CERS6: variants seen among roughly 807,000 people sequenced by gnomAD.
CERS6 encodes the protein LAG1 homolog, ceramide synthase 6.
In CERS6, 26 loss-of-function variants were observed where a neutral mutation model predicts 56.8. The observed-to-expected ratio is 0.46, with a 90% CI of 0.34 to 0.63. The LOEUF (loss-of-function observed/expected upper bound fraction) is 0.63. CERS6 is among the 30% of genes least tolerant of loss of function. The pLI, the probability that CERS6 is intolerant of heterozygous loss-of-function variation, is 0.01. For missense variants in CERS6, 415 were observed against 467.5 expected (o/e 0.89, Z 1.04); for synonymous variants, 164 against 173.3 (o/e 0.95, Z 0.42).
intron 1 of CERS6, among the ~76,000 whole-genome samples, chr2:168,481,080 T>C (rs1235371571): frequency 1.3e-5 from 2 of 152,182 alleles, no homozygotes; most frequent in Non-Finnish European, 2.9e-5. Flanking sequence ...GAGAGGCATC[T>C]GCAGAGGATC....
intron 3 of CERS6, among the ~76,000 whole-genome samples, chr2:168,609,357 G>A (rs1276498297): frequency 6.6e-6 from 1 of 152,166 alleles, no homozygotes; most frequent in Non-Finnish European, 1.5e-5. Flanking sequence ...CAGTGGGATG[G>A]ATTACATTTC....
chr2:168,605,334 C>T (rs368152506), intron 3 of CERS6, among the ~76,000 whole-genome samples: 1 of 152,284 alleles, frequency 6.6e-6, no homozygotes. Flanking sequence ...AAGATGTAGC[C>T]TGGCTGCTTC....
At chr2:168,723,861 G>A (rs1683261450) in intron 8 of CERS6, among the ~76,000 whole-genome samples, 1 of 152,114 alleles carries the variant, frequency 6.6e-6, no homozygotes, top group African/African-American at 2.4e-5. Context: ...TTCTTCTTCC[G>A]TAATTACATA....
intron 8 of CERS6, among the ~76,000 whole-genome samples, chr2:168,731,975 A>C (rs147589498): frequency 0.018 from 2,761 of 152,332 alleles, 258 homozygotes; most frequent in Admixed American, 0.15. Flanking sequence ...TTATACATTA[A>C]GTCTACAATA....
At chr2:168,723,258 A>G (rs567160262) in intron 8 of CERS6, among the ~76,000 whole-genome samples, 1 of 152,300 alleles carries the variant, frequency 6.6e-6, no homozygotes, top group South Asian at 2.1e-4. Flanking sequence ...ACCTCTAAAG[A>G]CAGTCCCTTC....
At chr2:168,681,123 G>C (rs538191348) in intron 4 of CERS6, among the ~76,000 whole-genome samples, 2 of 152,214 alleles carry the variant, frequency 1.3e-5, no homozygotes, top group African/African-American at 4.8e-5. Context: ...ATAGATTAAG[G>C]CCTAGGCAAA....
chr2:168,459,128 C>G (rs76488561), intron 1 of CERS6, among the ~76,000 whole-genome samples: 10 of 152,126 alleles, frequency 6.6e-5, no homozygotes, highest in Non-Finnish European at 1.3e-4. Context: ...AGGAATAATT[C>G]TCTCAAGATT....
At chr2:168,565,461 C>T (rs552032791) in intron 3 of CERS6, among the ~76,000 whole-genome samples, 3 of 152,210 alleles carry the variant, frequency 2.0e-5, no homozygotes, top group African/African-American at 4.8e-5. Context: ...AATTAGAAAA[C>T]GAGAACACAA....
At chr2:168,657,793 G>T (rs977777956) in intron 4 of CERS6, among the ~76,000 whole-genome samples, 1 of 152,186 alleles carries the variant, frequency 6.6e-6, no homozygotes, top group Non-Finnish European at 1.5e-5. Context: ...AGCGCCGCAC[G>T]CAGCCCCGGT....
At chr2:168,570,454 C>T (rs1350719685) in intron 3 of CERS6, among the ~76,000 whole-genome samples, 1 of 152,068 alleles carries the variant, frequency 6.6e-6, no homozygotes, top group African/African-American at 2.4e-5. Context: ...TTTAAATTTA[C>T]CCAGGTGATT....
At chr2:168,724,151 G>C (rs1254016912) in intron 8 of CERS6, among the ~76,000 whole-genome samples, 1 of 152,028 alleles carries the variant, frequency 6.6e-6, no homozygotes, top group Non-Finnish European at 1.5e-5. Context: ...TCTTCCTTCT[G>C]GTGGGTTCGT....
chr2:168,760,322 C>T (rs1341443899), intron 8 of CERS6, among the ~76,000 whole-genome samples: 2 of 152,120 alleles, frequency 1.3e-5, no homozygotes, highest in African/African-American at 2.4e-5. Context: ...GCATCCAGCA[C>T]GGGAGAAAGA....
At chr2:168,489,312 T>C (rs967837272) in intron 1 of CERS6, among the ~76,000 whole-genome samples, 20 of 152,158 alleles carry the variant, frequency 1.3e-4, no homozygotes, top group African/African-American at 4.8e-4. Context: ...ACTTTAGCCA[T>C]TGTGAATACT....
At chr2:168,718,777 T>G (rs1275623545) in intron 8 of CERS6, among the ~76,000 whole-genome samples, 1 of 152,232 alleles carries the variant, frequency 6.6e-6, no homozygotes, top group African/African-American at 2.4e-5. Context: ...CTTCTAACTG[T>G]TAGATCGTCA....
At chr2:168,748,835 G>GGT (rs1553515994) in intron 8 of CERS6, among the ~76,000 whole-genome samples, 2 of 138,644 alleles carry the variant, frequency 1.4e-5, no homozygotes, top group African/African-American at 5.1e-5. Flanking sequence ...TGGGGGTGGG[G>GGT]GGGGGGCAGG....
At chr2:168,673,439 G>T (rs1685973482) in intron 4 of CERS6, among the ~76,000 whole-genome samples, 5 of 152,220 alleles carry the variant, frequency 3.3e-5, no homozygotes, top group Admixed American at 3.3e-4. Context: ...GTCTCCCTAT[G>T]ATGTCAAGTT....
intron 8 of CERS6, among the ~76,000 whole-genome samples, chr2:168,728,914 A>C (rs1053282090): frequency 6.7e-6 from 1 of 150,354 alleles, no homozygotes; most frequent in Non-Finnish European, 1.5e-5. Flanking sequence ...AGGCTGAGGC[A>C]GGATAAAATT....
At chr2:168,547,457 G>A in intron 1 of CERS6, 139 bp from the exon 2 acceptor site, 5 of 576,472 alleles carry the variant, frequency 8.7e-6, no homozygotes, top group Non-Finnish European at 1.2e-5. Flanking sequence ...GTTACTGACA[G>A]GAGTGTTGAC....
intron 8 of CERS6, among the ~76,000 whole-genome samples, chr2:168,743,589 A>G (rs1413425300): frequency 2.0e-5 from 3 of 152,218 alleles, no homozygotes; most frequent in Non-Finnish European, 4.4e-5. Context: ...AAAACTTGAC[A>G]TGAAAATATT....
Sources: gnomAD v4.1 joint callset for allele counts (sites outside exome capture counted in the v4.1 genomes callset) on GRCh38, gnomAD v4.1.1 for gene constraint, MANE v1.5 for transcripts, NCBI Gene and HGNC (gene_info 2026-07-23, HGNC 2026-07-21) for gene names.